YAF2: variants seen among roughly 807,000 people sequenced by gnomAD.
The protein encoded by YAF2 is YY1 associated factor 2, also known as YY1-associated factor 2.
In YAF2, 7 loss-of-function variants were observed where a neutral mutation model predicts 20.1. That is an observed-to-expected ratio of 0.35 (90% confidence interval 0.20 to 0.65). The LOEUF is 0.65. Among genes scored for constraint, YAF2 ranks in the 30% least tolerant of loss-of-function variants. The pLI, the probability that YAF2 is intolerant of heterozygous loss-of-function variation, is 0.69. For missense variants in YAF2, 151 were observed against 219.2 expected, an observed-to-expected ratio of 0.69 and a Z score of 1.96; for synonymous variants, 74 against 76.0, an observed-to-expected ratio of 0.97 and a Z score of 0.14.
chr12:42,232,447 C>G lies in YAF2; in HGVS notation c.152+5152G>C, dbSNP rs917310202. 4.1e-6 allele frequency: 4 copies of G among 985,268 alleles called. No homozygotes were observed. The African/African-American group carries it at 7.0e-5, about 17-fold the overall frequency. The allele number at this position is 985,268 out of a possible 1,614,324, so 61.0% of individuals were successfully genotyped here. A position where few individuals can be genotyped will look rare whatever the true frequency, so the allele number is the denominator to read the frequency against. On this transcript the variant is annotated intron_variant, in intron 2 of 3. Transcript: ENST00000534854. ...TCCAGACTACACAAACACTAATAAT[C>G]ACTTGTAAAATTTACCCATATACAA...
At chr12:42,176,565 C>T (rs1255082328) in intron 2 of YAF2, among the ~76,000 whole-genome samples, 2 of 152,154 alleles carry the variant, frequency 1.3e-5, no homozygotes, top group African/African-American at 4.8e-5. Context: ...CTCTCATACT[C>T]ACATCTAAGT....
intron 2 of YAF2, chr12:42,234,793 G>C (rs2068093313): frequency 1.2e-6 from 1 of 864,452 alleles, no homozygotes; most frequent in Non-Finnish European, 1.4e-6. Flanking sequence ...TTTGAGACTA[G>C]CCTAGGCAAC....
chr12:42,170,539 G>A (rs183241246), intron 2 of YAF2, among the ~76,000 whole-genome samples: 1 of 152,280 alleles, frequency 6.6e-6, no homozygotes, highest in African/African-American at 2.4e-5. Context: ...GCCAGATGCG[G>A]TGGCTCACGC....
At chr12:42,201,589 C>CTGTTGT (rs1455378301) in intron 2 of YAF2, among the ~76,000 whole-genome samples, 13 of 152,058 alleles carry the variant, frequency 8.5e-5, no homozygotes, top group Non-Finnish European at 1.3e-4. Flanking sequence ...TTTTTTGTTG[C>CTGTTGT]TGTTGCTGTT....
intron 2 of YAF2, among the ~76,000 whole-genome samples, chr12:42,228,207 G>GC (rs1384834827): frequency 5.4e-5 from 5 of 91,856 alleles, no homozygotes; most frequent in African/African-American, 2.4e-4. Flanking sequence ...GGGGGGGTCG[G>GC]CCCCCCGCCC....
intron 3 of YAF2, chr12:42,161,028 T>C (rs1272020717): frequency 1.1e-5 from 6 of 522,600 alleles, no homozygotes; most frequent in Non-Finnish European, 2.0e-5. Flanking sequence ...CATTCTTCAA[T>C]GCAACCAAAA....
chr12:42,164,170 C>G (rs1029957473), intron 2 of YAF2, among the ~76,000 whole-genome samples: 1 of 152,218 alleles, frequency 6.6e-6, no homozygotes, highest in African/African-American at 2.4e-5. Context: ...TACTTATTCA[C>G]ATATGCCATG....
intron 2 of YAF2, among the ~76,000 whole-genome samples, chr12:42,176,860 G>A (rs532184988): frequency 5.9e-5 from 9 of 152,200 alleles, no homozygotes; most frequent in Non-Finnish European, 2.9e-5. Context: ...CCAGCTACTC[G>A]GGAGGCTAAG....
At chr12:42,217,073 T>C (rs1592026325) in intron 2 of YAF2, among the ~76,000 whole-genome samples, 1 of 152,350 alleles carries the variant, frequency 6.6e-6, no homozygotes, top group Middle Eastern at 3.4e-3. Context: ...AAATGGTTTC[T>C]CTGCCTCTAG....
chr12:42,194,905 G>A (rs1262869300), intron 2 of YAF2, among the ~76,000 whole-genome samples: 1 of 152,174 alleles, frequency 6.6e-6, no homozygotes, highest in Non-Finnish European at 1.5e-5. Flanking sequence ...TAGTTCACAT[G>A]TAAATAAATG....
chr12:42,161,122 G>C (rs2065790072), intron 3 of YAF2: 1 of 353,766 alleles, frequency 2.8e-6, no homozygotes. Context: ...TATTAAAATA[G>C]ATGTTTTAGA....
rs2068247985 is a variant in YAF2 at position 42,238,214 on chromosome 12, C to T, written c.-34G>A. 1 of 1,511,924 alleles carries T rather than the reference C, an allele frequency of 6.6e-7. No homozygotes were observed. Among genetic ancestry groups the T allele is most frequent in the South Asian group, 1.2e-5 (1 of 81,698 alleles). The allele number at this position is 1,511,924 out of a possible 1,614,324, so 93.7% of individuals were successfully genotyped here. A position where few individuals can be genotyped will look rare whatever the true frequency, so the allele number is the denominator to read the frequency against. The stretch of plus-strand genomic sequence containing the variant: ...TATCACCGCACGCCGAGAGTCGCCG[C>T]CGCGACCGCTCTGTTTGTCAATAAG... On this transcript the variant is annotated 5_prime_UTR_variant, in exon 1 of 4. Transcript: ENST00000534854.
At chr12:42,235,638 A>C in intron 2 of YAF2, 1 of 1,508,958 alleles carries the variant, frequency 6.6e-7, no homozygotes, top group East Asian at 2.5e-5. Flanking sequence ...TGTCCCTTAG[A>C]TTTCTGGTGA....
Position 42,237,532 on chromosome 12 carries a change from G to T in YAF2, c.152+67C>A, listed in dbSNP as rs551717010. On this transcript the variant is annotated intron_variant, in intron 2 of 3. Transcript: ENST00000534854. ...GCCAGTGTCATGGGAGGGGGCGGCA[G>T]CCGCAAGGGCGTCCTCTGGTCGCCA... The T allele has an allele frequency of 4.0e-3, 5,730 of 1,422,408 alleles. 24 individuals carry two copies. The highest frequency in any genetic ancestry group is 5.1e-3 in the Non-Finnish European group (5,490 of 1,082,986). The allele number at this position is 1,422,408 out of a possible 1,614,324, so 88.1% of individuals were successfully genotyped here.
chr12:42,200,391 C>T (rs549948028), intron 2 of YAF2, among the ~76,000 whole-genome samples: 1 of 152,314 alleles, frequency 6.6e-6, no homozygotes, highest in African/African-American at 2.4e-5. Flanking sequence ...GAAAACTATT[C>T]ACCTTCTTAT....
chr12:42,237,770 G>A (rs1166637438), intron 1 of YAF2, 46 bp from the exon 2 acceptor site: 6 of 1,328,766 alleles, frequency 4.5e-6, no homozygotes, highest in Non-Finnish European at 5.8e-6. Flanking sequence ...GTCACCAGCA[G>A]GCCGCGCCCG....
In YAF2 at chr12:42,227,637, G is replaced by A. The variant is rs572449179; in HGVS notation, c.152+9962C>T. 6.7e-5 allele frequency among the ~76,000 whole-genome samples: 10 copies of A among 149,914 alleles called. No homozygotes were observed. In the East Asian group the frequency reaches 1.8e-3, roughly 28 times the overall value. On this transcript the variant is annotated intron_variant, in intron 2 of 3. Transcript: ENST00000534854. ...CGTCTGAGAAGTTAGGAGCCCCTCC[G>A]CCCAGCAGCTGCCCCGTCTGAGAAG...
chr12:42,237,531 A>G, intron 2 of YAF2, 68 bp downstream of exon 2: 1 of 1,415,446 alleles, frequency 7.1e-7, no homozygotes, highest in Non-Finnish European at 9.3e-7. Flanking sequence ...AGGGGGCGGC[A>G]GCCGCAAGGG....
intron 2 of YAF2, among the ~76,000 whole-genome samples, chr12:42,220,782 T>C (rs2067489178): frequency 6.6e-6 from 1 of 152,182 alleles, no homozygotes; most frequent in Admixed American, 6.5e-5. Context: ...AATTCATATG[T>C]CTAAAAATTG....
Sources: allele counts gnomAD v4.1 joint callset (sites outside exome capture counted in the v4.1 genomes callset), GRCh38; gene constraint gnomAD v4.1.1; transcripts MANE v1.5; gene names NCBI Gene and HGNC (gene_info 2026-07-23, HGNC 2026-07-21).